DCPS: variants seen among roughly 807,000 people sequenced by gnomAD.
DCPS encodes m7GpppX diphosphatase.
DCPS carries 27 observed loss-of-function variants against 34.7 expected under a neutral mutation model. That is an observed-to-expected ratio of 0.78 (90% CI 0.57 to 1.07). DCPS has a LOEUF of 1.07. Ranked by LOEUF, DCPS falls within the 50% of genes least tolerant of loss-of-function variation. DCPS has a pLI of 0.00. For synonymous variants in DCPS, 185 were observed against 185.7 expected, an observed-to-expected ratio of 1.00 and a Z score of 0.03; for missense variants, 464 against 436.9, an observed-to-expected ratio of 1.06 and a Z score of -0.55.
intron 2 of DCPS, among the ~76,000 whole-genome samples, chr11:126,330,717 ATATTTTTTTTTTTTTTTTT>A (rs1337404711): frequency 5.7e-5 from 1 of 17,404 alleles, no homozygotes; most frequent in Non-Finnish European, 9.3e-5. Flanking sequence ...ATATATATAT[ATATTTTTTTTTTTTTTTTT>A]TTTTTTTTTT....
In DCPS at chr11:126,345,780, G is replaced by C. The variant is rs1050491026; in HGVS notation, c.*167G>C. The stretch of plus-strand genomic sequence containing the variant: ...TGTGGACAGCGTGGCCTGGGAGGCA[G>C]ACAGATGGTGGGGGACAGTGGGTGG... On this transcript the variant is annotated 3_prime_UTR_variant, in exon 6 of 6. Coordinates refer to ENST00000263579, the MANE Select transcript of DCPS (RefSeq NM_014026.6). The surrounding 1 kb of genome is among the most constrained non-coding windows in gnomAD (Gnocchi z 7.4). The C allele has an allele frequency of 6.8e-6, 7 of 1,022,616 alleles. No individual in the cohort carries two copies. The African/African-American group carries it at 8.1e-5, about 12-fold the overall frequency. 63.3% of individuals were successfully genotyped at this position (1,022,616 alleles called of 1,614,324 possible).
intron 2 of DCPS, among the ~76,000 whole-genome samples, chr11:126,316,509 A>G (rs1003142528): frequency 6.6e-6 from 1 of 151,950 alleles, no homozygotes; most frequent in African/African-American, 2.4e-5. Context: ...TGCTTCTCCA[A>G]TCTGGACAGG....
At position 126,316,876 on chromosome 11, in the gene DCPS, G is replaced by A. The variant is rs188051304; in HGVS notation, c.376+10132G>A. ...TCACCTTGTTGGCCAGGCTGGTCTTGAACTCCTGACCTCAGGTGATCTGCC... is the reference window on the plus strand; with the variant it reads ...TCACCTTGTTGGCCAGGCTGGTCTTAAACTCCTGACCTCAGGTGATCTGCC... On this transcript the variant is annotated intron_variant, in intron 2 of 5. Transcript: ENST00000263579. Among the ~76,000 whole-genome samples the A allele has an allele frequency of 9.3e-5, 14 of 149,928 alleles. No homozygotes were observed. The East Asian group carries it at 2.8e-3, about 30-fold the overall frequency.
chr11:126,338,484 G>A lies in DCPS; in HGVS notation c.636+85G>A. 11 of 1,238,970 alleles carry A rather than the reference G, an allele frequency of 8.9e-6. No homozygotes were observed. The highest frequency in any genetic ancestry group is 1.3e-5 in the Non-Finnish European group (11 of 844,318). The allele number at this position is 1,238,970 out of a possible 1,614,324, so 76.7% of individuals were successfully genotyped here. A position where few individuals can be genotyped will look rare whatever the true frequency, so the allele number is the denominator to read the frequency against. The stretch of plus-strand genomic sequence containing the variant: ...TTCTGACTGCCCTCTTTCTCACGCT[G>A]GCCTGTCTCTAAGCAGATTATAATT... On this transcript the variant is annotated intron_variant, in intron 4 of 5. Transcript: ENST00000263579. The surrounding 1 kb of genome is among the most constrained non-coding windows in gnomAD (Gnocchi z 5.4).
At chr11:126,339,736 G>C (rs1951862928) in intron 4 of DCPS, among the ~76,000 whole-genome samples, 1 of 152,208 alleles carries the variant, frequency 6.6e-6, no homozygotes, top group Non-Finnish European at 1.5e-5. Context: ...GCCACCTTCA[G>C]GCCTTGAAGG....
At chr11:126,321,178 C>T (rs1565373976) in intron 2 of DCPS, among the ~76,000 whole-genome samples, 1 of 150,734 alleles carries the variant, frequency 6.6e-6, no homozygotes, top group Non-Finnish European at 1.5e-5. Flanking sequence ...TCACTTGAGT[C>T]TGTTTGGCAG....
At chr11:126,321,945 G>A (rs1376925414) in intron 2 of DCPS, among the ~76,000 whole-genome samples, 1 of 152,098 alleles carries the variant, frequency 6.6e-6, no homozygotes, top group African/African-American at 2.4e-5. Flanking sequence ...GATGGAAGAT[G>A]GAGAAAAGAT....
In DCPS at chr11:126,344,829, C is replaced by A. The variant is rs558128538; in HGVS notation, c.748-518C>A. ...TGTGTGGGAGCAGCCCCTCCCATAC[C>A]CCTTCCACAGTCCCTGCTCTTTCAC... On this transcript the variant is annotated intron_variant, in intron 5 of 5. Transcript: ENST00000263579. The surrounding 1 kb of genome is among the most constrained non-coding windows in gnomAD (Gnocchi z 8.1). 5.3e-5 allele frequency among the ~76,000 whole-genome samples: 8 copies of A among 152,262 alleles called. No homozygotes were observed. Among genetic ancestry groups the A allele is most frequent in the Non-Finnish European group, 8.8e-5 (6 of 68,024 alleles).
At position 126,320,289 on chromosome 11, in the gene DCPS, G is replaced by C. The variant is rs1951695075; in HGVS notation, c.377-11116G>C. On this transcript the variant is annotated intron_variant, in intron 2 of 5. Transcript: ENST00000263579. The surrounding 1 kb of genome is among the most constrained non-coding windows in gnomAD (Gnocchi z 4.7). The stretch of plus-strand genomic sequence containing the variant: ...TGTACGAAACAGAGTCCCTGCTCTC[G>C]TGGACTTGATGTTCCACTGGAGATG... Among the ~76,000 whole-genome samples the C allele has an allele frequency of 6.6e-6, 1 of 152,158 alleles. No individual in the cohort carries two copies.
rs758144169 is a variant in DCPS, at chr11:126,347,504, G to A, written c.*1891G>A. The stretch of plus-strand genomic sequence containing the variant: ...CTCCCAAAGTGCTGGGATTCCAGGC[G>A]TGAGCCACCGCGCCCAGCCCCTGCA... On this transcript the variant is annotated 3_prime_UTR_variant, in exon 6 of 6. Transcript: ENST00000263579. This position sits in a 1 kb window ranked among gnomAD's most constrained non-coding sequence, Gnocchi z 4.2. 1.8e-4 allele frequency among the ~76,000 whole-genome samples: 28 copies of A among 152,310 alleles called. No individual in the cohort carries two copies. Among genetic ancestry groups the A allele is most frequent in the Admixed American group, 4.6e-4 (7 of 15,306 alleles).
At chr11:126,339,037 G>A (rs117589605) in intron 4 of DCPS, among the ~76,000 whole-genome samples, 74 of 152,338 alleles carry the variant, frequency 4.9e-4, no homozygotes, top group Non-Finnish European at 1.0e-3. Flanking sequence ...CACCACCAGA[G>A]TTATCACTTA....
chr11:126,345,344 CAGG>C lies in DCPS; in HGVS notation c.749_751del (p.Glu250del), dbSNP rs765924535. ...CCTGACCTGCCTGCCCCTGTCTCAT[CAGG>C]AGGCCATCCTGCAGCGCTACCGGAT... is the stretch of plus-strand genomic sequence containing the variant. On this transcript the variant is annotated splice_acceptor_variant and coding_sequence_variant, in exon 6 of 6. Coordinates refer to ENST00000263579, the MANE Select transcript of DCPS (RefSeq NM_014026.6). LOFTEE classifies it high-confidence loss of function. This position sits in a 1 kb window ranked among gnomAD's most constrained non-coding sequence, Gnocchi z 7.4. 36 of 1,613,542 alleles carry C rather than the reference CAGG, an allele frequency of 2.2e-5. No individual in the cohort carries two copies. Among genetic ancestry groups the C allele is most frequent in the Non-Finnish European group, 2.8e-5 (33 of 1,179,940 alleles).
Position 126,323,308 on chromosome 11 carries a change from T to C in DCPS, c.377-8097T>C, listed in dbSNP as rs1951720383. ...AAGAGACCTTTTTAATCCTCTTATC[T>C]GGGAAACAATTTTCAAAATACAATT... On this transcript the variant is annotated intron_variant, in intron 2 of 5. Transcript: ENST00000263579. This position sits in a 1 kb window ranked among gnomAD's most constrained non-coding sequence, Gnocchi z 4.4. Among the ~76,000 whole-genome samples, 1 of 152,218 alleles carries C rather than the reference T, an allele frequency of 6.6e-6. No individual in the cohort carries two copies. The highest frequency in any genetic ancestry group is 2.4e-5 in the African/African-American group (1 of 41,462).
At chr11:126,318,720 G>A (rs1401946675) in intron 2 of DCPS, among the ~76,000 whole-genome samples, 1 of 152,182 alleles carries the variant, frequency 6.6e-6, no homozygotes, top group African/African-American at 2.4e-5. Flanking sequence ...AATAAGTTAA[G>A]CTGGCTCCTC....
Position 126,337,975 on chromosome 11 carries a change from T to G in DCPS, c.523-311T>G. ...TATAGAGGGCAGACACAGCCTGGGT[T>G]TGGAGGCCTCCGCAGAGCATGTGCA... is the stretch of plus-strand genomic sequence containing the variant. On this transcript the variant is annotated intron_variant, in intron 3 of 5. Transcript: ENST00000263579. This position sits in a 1 kb window ranked among gnomAD's most constrained non-coding sequence, Gnocchi z 5.3. The G allele has an allele frequency of 2.9e-6, 1 of 345,908 alleles. No homozygotes were observed. The highest frequency in any genetic ancestry group is 5.5e-6 in the Non-Finnish European group (1 of 181,934). The allele number at this position is 345,908 out of a possible 1,614,324, so 21.4% of individuals were successfully genotyped here.
In DCPS at chr11:126,319,956, A is replaced by G. The variant is rs1951691609; in HGVS notation, c.377-11449A>G. Among the ~76,000 whole-genome samples, 1 of 151,450 alleles carries G rather than the reference A, an allele frequency of 6.6e-6. No homozygotes were observed. The highest frequency in any genetic ancestry group is 6.6e-5 in the Admixed American group (1 of 15,200). On this transcript the variant is annotated intron_variant, in intron 2 of 5. Coordinates refer to ENST00000263579, the MANE Select transcript of DCPS (RefSeq NM_014026.6). The surrounding 1 kb of genome is among the most constrained non-coding windows in gnomAD (Gnocchi z 4.5). ...GTGATATGTAAATATATATAACTCC[A>G]TCATCCAGGATTGATCTCTCTTAAC...
intron 1 of DCPS, among the ~76,000 whole-genome samples, chr11:126,305,086 T>C (rs1951552889): frequency 6.6e-6 from 1 of 152,172 alleles, no homozygotes; most frequent in African/African-American, 2.4e-5. Context: ...CCTCTGTGTG[T>C]ATCTGGTTTT....
At position 126,304,285 on chromosome 11, in the gene DCPS, C is replaced by T. The variant is rs746334180; in HGVS notation, c.201+4C>T. ...AATCATTTTCCTACACGGGAAGGTA[C>T]CAGGAGGCAACCCTGAGGTGGGATG... On this transcript the variant is annotated splice_donor_region_variant and intron_variant, in intron 1 of 5. Coordinates refer to ENST00000263579, the MANE Select transcript of DCPS (RefSeq NM_014026.6). The T allele has an allele frequency of 6.2e-7, 1 of 1,613,990 alleles. No individual in the cohort carries two copies.
intron 2 of DCPS, among the ~76,000 whole-genome samples, chr11:126,324,063 C>T (rs1290811805): frequency 3.9e-5 from 6 of 152,138 alleles, no homozygotes; most frequent in Non-Finnish European, 8.8e-5. Flanking sequence ...AACTTCTGAC[C>T]TCAGGTGATC....
Sources: gnomAD v4.1 joint callset for allele counts (sites outside exome capture counted in the v4.1 genomes callset) on GRCh38, gnomAD v4.1.1 for gene constraint, Gnocchi (gnomAD v3.1) non-coding constraint, MANE v1.5 for transcripts, NCBI Gene and HGNC (gene_info 2026-07-23, HGNC 2026-07-21) for gene names.